EPHA5: variants seen among roughly 807,000 people sequenced by gnomAD.
EPHA5 encodes the protein EPH receptor A5.
Under a neutral mutation model 105.0 loss-of-function variants are expected in EPHA5, and 60 were observed. The ratio of observed to expected loss-of-function variants is 0.57; its 90% confidence interval spans 0.46 to 0.71. The LOEUF is 0.71. Ranked by LOEUF, EPHA5 falls within the 30% of genes least tolerant of loss-of-function variation. The pLI is 0.00. For missense variants in EPHA5, 1,218 were observed against 1,274.7 expected (o/e 0.96, Z 0.68); for synonymous variants, 513 against 449.1 (o/e 1.14, Z -1.80).
intron 2 of EPHA5, among the ~76,000 whole-genome samples, chr4:65,611,934 G>A (rs1326314251): frequency 1.4e-5 from 2 of 146,610 alleles, no homozygotes; most frequent in African/African-American, 2.5e-5. Context: ...GGAGGATGGC[G>A]TGAACCTGGC....
In EPHA5 at chr4:65,414,395, T is replaced by A. The variant is rs756062097; in HGVS notation, c.1576A>T (p.Thr526Ser). The A allele has an allele frequency of 6.2e-7, 1 of 1,614,000 alleles. No individual in the cohort carries two copies. Among genetic ancestry groups the A allele is most frequent in the South Asian group, 1.1e-5 (1 of 91,080 alleles). Residue 526 changes from threonine to serine, a missense_variant, in exon 7 of 17, where the codon ACT becomes TCT. Around this residue, in one of 3 missense-constraint regions of EPHA5, gnomAD observed 971 missense variants for 1,013.5 expected, o/e 0.96. Transcript: ENST00000613740. ...TIIKSKETTI[T>S]AEGLKPASVY... ...GAAGCTGGTTTCAAGCCCTCTGCAG[T>A]AATAGTTGTCTCTTTAGATTTGATA... is the stretch of plus-strand genomic sequence containing the variant.
chr4:65,435,466 A>G (rs1403721329), intron 5 of EPHA5, among the ~76,000 whole-genome samples: 3 of 152,162 alleles, frequency 2.0e-5, no homozygotes, highest in Non-Finnish European at 4.4e-5. Flanking sequence ...AAAATATTAC[A>G]AGCTTTGATA....
intron 3 of EPHA5, among the ~76,000 whole-genome samples, chr4:65,550,024 A>G (rs1341293918): frequency 6.6e-6 from 1 of 152,124 alleles, no homozygotes; most frequent in African/African-American, 2.4e-5. Flanking sequence ...TCTTTTGTAA[A>G]TGACATCATG....
chr4:65,564,267 C>T (rs1034710836), intron 3 of EPHA5, among the ~76,000 whole-genome samples: 1 of 151,826 alleles, frequency 6.6e-6, no homozygotes, highest in Non-Finnish European at 1.5e-5. Flanking sequence ...GAGTTCTTAA[C>T]CCAAAAGATG....
chr4:65,569,612 C>G (rs992919910), intron 3 of EPHA5, among the ~76,000 whole-genome samples: 7 of 151,668 alleles, frequency 4.6e-5, no homozygotes, highest in African/African-American at 1.7e-4. Flanking sequence ...ACATTATGCT[C>G]TTTTACTTGA....
intron 7 of EPHA5, among the ~76,000 whole-genome samples, chr4:65,411,755 A>C (rs1426023169): frequency 6.6e-6 from 1 of 152,144 alleles, no homozygotes; most frequent in Non-Finnish European, 1.5e-5. Context: ...ACAATACAAA[A>C]GTTCTGGAAA....
At chr4:65,653,311 G>T (rs1748771322) in intron 1 of EPHA5, among the ~76,000 whole-genome samples, 1 of 152,060 alleles carries the variant, frequency 6.6e-6, no homozygotes, top group African/African-American at 2.4e-5. Flanking sequence ...ATTCATGTCA[G>T]CCTTGCAGTT....
chr4:65,337,061 A>G (rs1211335603), intron 14 of EPHA5, among the ~76,000 whole-genome samples: 1 of 152,110 alleles, frequency 6.6e-6, no homozygotes, highest in Non-Finnish European at 1.5e-5. Flanking sequence ...GGAAATTTAC[A>G]AAGATAATTT....
chr4:65,558,802 G>T (rs73225767), intron 3 of EPHA5, among the ~76,000 whole-genome samples: 32,080 of 151,972 alleles, frequency 0.21, 3,525 homozygotes, highest in African/African-American at 0.22. Flanking sequence ...TTTAAATCCA[G>T]GTTTTCTGCT....
chr4:65,481,149 T>C (rs1443799182), intron 5 of EPHA5, among the ~76,000 whole-genome samples: 1 of 152,286 alleles, frequency 6.6e-6, no homozygotes, highest in South Asian at 2.1e-4. Flanking sequence ...CGTCTGTGTC[T>C]AAATGCACTT....
intron 4 of EPHA5, 102 bp downstream of exon 4, chr4:65,495,286 T>C (rs1461131618): frequency 4.0e-5 from 50 of 1,238,904 alleles, no homozygotes; most frequent in Non-Finnish European, 3.6e-5. Flanking sequence ...ACATTATGTC[T>C]GTTTTAGGGG....
intron 3 of EPHA5, among the ~76,000 whole-genome samples, chr4:65,497,827 T>C (rs1227861261): frequency 6.6e-6 from 1 of 152,018 alleles, no homozygotes; most frequent in Non-Finnish European, 1.5e-5. Flanking sequence ...AATGTATCTT[T>C]CTGTTCAGTT....
At chr4:65,655,354 T>G (rs1042901384) in intron 1 of EPHA5, among the ~76,000 whole-genome samples, 1 of 152,004 alleles carries the variant, frequency 6.6e-6, no homozygotes. Context: ...ATCAGGACAT[T>G]AGGTAGAGAC....
chr4:65,348,815 A>ATATATATTTTTT (rs71657404), intron 13 of EPHA5, among the ~76,000 whole-genome samples: 3 of 64,120 alleles, frequency 4.7e-5, no homozygotes, highest in Non-Finnish European at 8.1e-5. Context: ...ATATATATAT[A>ATATATATTTTTT]TTTTTTTTTT....
At chr4:65,639,364 A>T (rs943887333) in intron 2 of EPHA5, among the ~76,000 whole-genome samples, 1 of 152,162 alleles carries the variant, frequency 6.6e-6, no homozygotes, top group Non-Finnish European at 1.5e-5. Flanking sequence ...CTGGATATTG[A>T]ATTCTAGCTC....
At chr4:65,431,554 G>A (rs755398978) in intron 5 of EPHA5, among the ~76,000 whole-genome samples, 16 of 151,510 alleles carry the variant, frequency 1.1e-4, no homozygotes, top group Non-Finnish European at 1.5e-4. Context: ...TCTTCCCACC[G>A]AAGAAAAAGT....
intron 7 of EPHA5, among the ~76,000 whole-genome samples, chr4:65,412,365 C>T (rs1369912170): frequency 6.6e-6 from 1 of 152,086 alleles, no homozygotes; most frequent in Non-Finnish European, 1.5e-5. Flanking sequence ...TTGATTTCTT[C>T]AGGGCCTAGC....
chr4:65,371,697 G>GT (rs1269488247), intron 8 of EPHA5, among the ~76,000 whole-genome samples: 1 of 151,974 alleles, frequency 6.6e-6, no homozygotes, highest in Non-Finnish European at 1.5e-5. Flanking sequence ...ATGAGGAAAG[G>GT]TAAGTGAATA....
chr4:65,490,350 C>T (rs1308312176), intron 5 of EPHA5, 27 bp downstream of exon 5: 1 of 1,595,778 alleles, frequency 6.3e-7, no homozygotes. Flanking sequence ...GCCTCACATA[C>T]ACAATTGGGT....
Sources: gnomAD v4.1 joint callset for allele counts (sites outside exome capture counted in the v4.1 genomes callset) on GRCh38, gnomAD v4.1.1 for gene constraint, gnomAD v4.1.1 regional missense constraint, MANE v1.5 for transcripts, NCBI Gene and HGNC (gene_info 2026-07-23, HGNC 2026-07-21) for gene names.